GCKR: variants seen among roughly 807,000 people sequenced by gnomAD.
The protein encoded by GCKR is glucokinase regulator.
A neutral mutation model predicts 82.9 loss-of-function variants in GCKR; 73 were observed. The observed-to-expected ratio is 0.88, with a 90% confidence interval of 0.73 to 1.07. The LOEUF (loss-of-function observed/expected upper bound fraction) is 1.07. Among genes scored for constraint, GCKR ranks in the 50% least tolerant of loss-of-function variants. The pLI, the probability that GCKR is intolerant of heterozygous loss-of-function variation, is 0.00. For missense variants in GCKR, 784 were observed against 782.1 expected (o/e 1.00, Z -0.03); for synonymous variants, 294 against 291.8 (o/e 1.01, Z -0.08).
chr2:27,497,600 G>A lies in GCKR; in HGVS notation c.255G>A (p.Gln85=). 3 of 1,613,182 alleles carry A rather than the reference G, an allele frequency of 1.9e-6. No individual in the cohort carries two copies. The highest frequency in any genetic ancestry group is 2.5e-6 in the Non-Finnish European group (3 of 1,179,134). The change falls in exon 3 of 19, where the codon CAG becomes CAA. Residue 85 remains glutamine (Q), a synonymous_variant. Coordinates refer to ENST00000264717, the MANE Select transcript of GCKR (RefSeq NM_001486.4). ...AATCCATTCTGACCACCATGGTACAGGTGGCTGGGAAAGTTCAGGAAGTGC... is the reference window on the plus strand; with the variant it reads ...AATCCATTCTGACCACCATGGTACAAGTGGCTGGGAAAGTTCAGGAAGTGC... ...YSESILTTMV[Q]VAGKVQEVLK... is the part of the protein sequence containing the mutation.
intron 17 of GCKR, among the ~76,000 whole-genome samples, chr2:27,520,253 A>G (rs1022466757): frequency 1.3e-5 from 2 of 152,150 alleles, no homozygotes; most frequent in African/African-American, 4.8e-5. Context: ...CAGTGGAGGT[A>G]TAAAGAAGGT....
At chr2:27,516,516 A>G (rs186276798) in intron 16 of GCKR, among the ~76,000 whole-genome samples, 1 of 151,932 alleles carries the variant, frequency 6.6e-6, no homozygotes, top group South Asian at 2.1e-4. Context: ...GCTGGTCTCA[A>G]ACTCCTGACT....
intron 17 of GCKR, among the ~76,000 whole-genome samples, chr2:27,519,903 C>T (rs1282700631): frequency 1.3e-5 from 2 of 151,908 alleles, no homozygotes; most frequent in East Asian, 1.9e-4. Flanking sequence ...CATGGGGAAG[C>T]GATAGATCCT....
chr2:27,523,586 T>G lies in GCKR; in HGVS notation c.*147T>G. 2 of 757,300 alleles carry G rather than the reference T, an allele frequency of 2.6e-6. No homozygotes were observed. Among genetic ancestry groups the G allele is most frequent in the Non-Finnish European group, 4.5e-6 (2 of 446,060 alleles). 46.9% of individuals were successfully genotyped at this position (757,300 alleles called of 1,614,324 possible). A position where few individuals can be genotyped will look rare whatever the true frequency, so the allele number is the denominator to read the frequency against. On this transcript the variant is annotated 3_prime_UTR_variant, in exon 19 of 19. Coordinates refer to ENST00000264717, the MANE Select transcript of GCKR (RefSeq NM_001486.4). ...GCCCAGGGTAGGGAGAAATATTCTC[T>G]CCACTTTGGGGGAGAGTTCTTGCTC... is the stretch of plus-strand genomic sequence containing the variant.
chr2:27,519,564 A>G (rs997855968), intron 17 of GCKR, among the ~76,000 whole-genome samples: 1 of 152,088 alleles, frequency 6.6e-6, no homozygotes, highest in African/African-American at 2.4e-5. Flanking sequence ...AGCCTCCTAA[A>G]GTGCTGGGAT....
intron 18 of GCKR, among the ~76,000 whole-genome samples, chr2:27,522,990 C>T (rs576336971): frequency 2.0e-5 from 3 of 151,924 alleles, no homozygotes; most frequent in South Asian, 2.1e-4. Context: ...CCTCTGCCCC[C>T]GGGTTCAAGA....
chr2:27,515,550 A>G (rs1294973018), intron 16 of GCKR, among the ~76,000 whole-genome samples: 1 of 152,158 alleles, frequency 6.6e-6, no homozygotes, highest in Non-Finnish European at 1.5e-5. Context: ...CACTGGGATT[A>G]TAGGCGTGGT....
At chr2:27,512,328 G>C (rs749268829) in intron 16 of GCKR, among the ~76,000 whole-genome samples, 3 of 147,690 alleles carry the variant, frequency 2.0e-5, no homozygotes, top group Non-Finnish European at 4.4e-5. Context: ...ACAAGGTCAA[G>C]AGTTCAAGAC....
chr2:27,516,280 C>CTT (rs1572873022), intron 16 of GCKR, among the ~76,000 whole-genome samples: 4 of 88,396 alleles, frequency 4.5e-5, no homozygotes, highest in African/African-American at 1.9e-4. Context: ...GTTCTTCATT[C>CTT]TTGTTTTTTT....
intron 16 of GCKR, among the ~76,000 whole-genome samples, chr2:27,513,285 C>T (rs1437285554): frequency 6.6e-6 from 1 of 152,136 alleles, no homozygotes. Flanking sequence ...AATCCCAGCA[C>T]TTTGGGAGGC....
rs183618032 is a variant in GCKR at position 27,497,331 on chromosome 2, G to A, written c.148G>A (p.Val50Ile). The change falls in exon 2 of 19, where the codon GTT becomes ATT. Residue 50 changes from valine to isoleucine, a missense_variant. Transcript: ENST00000264717. ...DLDKADAENI[V>I]RLLGQCDAEI... ...AGACAAAGCAGATGCTGAGAACATT[G>A]TTCGACTGCTAGGGCAATGTGATGC... 55 of 1,614,172 alleles carry A rather than the reference G, an allele frequency of 3.4e-5. No individual in the cohort carries two copies. The East Asian group carries it at 1.2e-3, about 36-fold the overall frequency.
intron 16 of GCKR, 65 bp from the exon 17 acceptor site, chr2:27,518,723 C>G: frequency 7.8e-7 from 1 of 1,286,072 alleles, no homozygotes; most frequent in Non-Finnish European, 1.1e-6. Context: ...ATAACAGGGC[C>G]CTGTTCACTC....
chr2:27,520,658 T>A (rs559374315), intron 17 of GCKR, among the ~76,000 whole-genome samples: 1 of 152,230 alleles, frequency 6.6e-6, no homozygotes, highest in South Asian at 2.1e-4. Flanking sequence ...AAACCAAAGC[T>A]GTATACTTTT....
chr2:27,506,368 C>T (rs959303229), intron 10 of GCKR, 113 bp from the exon 11 acceptor site: 5 of 773,066 alleles, frequency 6.5e-6, no homozygotes, highest in Non-Finnish European at 1.2e-5. Flanking sequence ...CTCCAGGGAC[C>T]AGCAGAATTT....
rs745447956 is a variant in GCKR at position 27,497,632 on chromosome 2, T to G, written c.285+2T>G. 8.2e-6 allele frequency: 13 copies of G among 1,591,116 alleles called. No individual in the cohort carries two copies. In the South Asian group the frequency reaches 9.9e-5, roughly 12 times the overall value. ...GGGAAAGTTCAGGAAGTGCTGAAGG[T>G]ACTAACCTTCCTTCTGTTCCCTGCC... On this transcript the variant is annotated splice_donor_variant, in intron 3 of 18. Transcript: ENST00000264717. LOFTEE classifies it high-confidence loss of function.
At chr2:27,507,813 G>T in intron 14 of GCKR, 36 bp downstream of exon 14, 1 of 1,301,762 alleles carries the variant, frequency 7.7e-7, no homozygotes, top group Non-Finnish European at 1.1e-6. Flanking sequence ...GGGGTGGGGA[G>T]GGGGAAATAG....
chr2:27,509,506 A>G (rs1669827804), intron 16 of GCKR: 3 of 444,558 alleles, frequency 6.7e-6, no homozygotes, highest in South Asian at 4.7e-5. Flanking sequence ...TGACTGGCTA[A>G]TTTTTGTATT....
chr2:27,498,588 G>C (rs1021221548), intron 4 of GCKR, 136 bp from the exon 5 acceptor site: 12 of 719,088 alleles, frequency 1.7e-5, no homozygotes, highest in Non-Finnish European at 2.8e-5. Context: ...CTTTAAGTGC[G>C]AGATTCCATG....
Position 27,498,263 on chromosome 2 carries a change from T to TGG in GCKR, c.299_300dup (p.Leu101GlyfsTer5), listed in dbSNP as rs752855374. The TGG allele has an allele frequency of 6.2e-7, 1 of 1,612,972 alleles. No homozygotes were observed. Among genetic ancestry groups the TGG allele is most frequent in the Non-Finnish European group, 8.5e-7 (1 of 1,179,000 alleles). ...CCTCTTTCCTTCTTCAGGAGCCAGA[T>TGG]GGGGGGCTGGTTGTGCTGAGTGGAG... On this transcript the variant is annotated frameshift_variant, in exon 4 of 19. Coordinates refer to ENST00000264717, the MANE Select transcript of GCKR (RefSeq NM_001486.4). LOFTEE classifies it high-confidence loss of function.
Sources: allele counts gnomAD v4.1 joint callset (sites outside exome capture counted in the v4.1 genomes callset), GRCh38; gene constraint gnomAD v4.1.1; transcripts MANE v1.5; gene names NCBI Gene and HGNC (gene_info 2026-07-23, HGNC 2026-07-21).